Variants in ZNF423 observed in about 807,000 individuals in gnomAD.
ZNF423 encodes the protein Ebf-associated zinc finger protein.
ZNF423 carries 12 observed loss-of-function variants against 95.8 expected under a neutral mutation model. The observed-to-expected ratio is 0.13, with a 90% CI of 0.08 to 0.20. The LOEUF is 0.20. Ranked by LOEUF, ZNF423 falls within the 10% of genes least tolerant of loss-of-function variation. ZNF423 has a pLI of 1.00. For synonymous variants in ZNF423, 749 were observed against 711.9 expected (o/e 1.05, Z -0.83); for missense variants, 1,316 against 1,737.1 (o/e 0.76, Z 4.31).
At chr16:49,530,181 G>A (rs1234113661) in intron 5 of ZNF423, among the ~76,000 whole-genome samples, 1 of 152,150 alleles carries the variant, frequency 6.6e-6, no homozygotes, top group African/African-American at 2.4e-5. Flanking sequence ...CGGGGCTTTT[G>A]TATGGCAGCC....
chr16:49,605,602 A>C (rs1041460239), intron 5 of ZNF423, among the ~76,000 whole-genome samples: 1 of 152,174 alleles, frequency 6.6e-6, no homozygotes, highest in Non-Finnish European at 1.5e-5. Flanking sequence ...GAGCGACAGC[A>C]GACACTCCCT....
intron 1 of ZNF423, among the ~76,000 whole-genome samples, chr16:49,836,207 T>C (rs1288411221): frequency 6.6e-6 from 1 of 152,176 alleles, no homozygotes; most frequent in Non-Finnish European, 1.5e-5. Context: ...CCTTGAACCT[T>C]GCTGGGTGTG....
intron 5 of ZNF423, among the ~76,000 whole-genome samples, chr16:49,530,156 T>C (rs771115456): frequency 1.3e-5 from 2 of 152,128 alleles, no homozygotes; most frequent in African/African-American, 2.4e-5. Context: ...CACTAGAAAA[T>C]AGGCAGAGTC....
Position 49,637,639 on chromosome 16 carries a change from C to G in ZNF423, c.1537G>C (p.Gly513Arg). 1 of 1,613,976 alleles carries G rather than the reference C, an allele frequency of 6.2e-7. No individual in the cohort carries two copies. Among genetic ancestry groups the G allele is most frequent in the Non-Finnish European group, 8.5e-7 (1 of 1,180,034 alleles). ...LQEHIRVSHC[G>R]PNANPSDGNN... ...CCGTCAGAGGGGTTGGCGTTGGGGC[C>G]GCAGTGGGAGACGCGGATGTGCTCC... Residue 513 changes from glycine to arginine, a missense_variant, in exon 4 of 8, where the codon GGC (glycine) becomes CGC (arginine). Gly to Arg is a moderately radical substitution (Grantham distance 125). This residue lies in a region of ZNF423 where 399 missense variants were observed against 478.5 expected (regional missense o/e 0.83). Transcript: ENST00000563137. The surrounding 1 kb of genome is among the most constrained non-coding windows in gnomAD (Gnocchi z 5.6).
At chr16:49,854,672 G>T in intron 1 of ZNF423, 1 of 985,440 alleles carries the variant, frequency 1.0e-6, no homozygotes, top group South Asian at 4.7e-5. Context: ...AAAGCAGCAG[G>T]CAAGGCCTGG....
chr16:49,694,879 G>A (rs1324450804), intron 3 of ZNF423, among the ~76,000 whole-genome samples: 2 of 152,228 alleles, frequency 1.3e-5, no homozygotes, highest in African/African-American at 4.8e-5. Flanking sequence ...TTCATGTGAA[G>A]AAATGTCTCT....
chr16:49,546,507 T>C (rs929350629), intron 5 of ZNF423, among the ~76,000 whole-genome samples: 6 of 152,116 alleles, frequency 3.9e-5, no homozygotes, highest in African/African-American at 1.4e-4. Context: ...CCAGTCCCCA[T>C]CCTAACTGTA....
intron 2 of ZNF423, among the ~76,000 whole-genome samples, chr16:49,767,916 T>C (rs1213883030): frequency 6.6e-6 from 1 of 152,260 alleles, no homozygotes; most frequent in Admixed American, 6.5e-5. Context: ...CTCCCCACTG[T>C]CTGTGAACCA....
intron 2 of ZNF423, among the ~76,000 whole-genome samples, chr16:49,774,633 T>A (rs934856913): frequency 2.0e-5 from 3 of 152,066 alleles, no homozygotes; most frequent in African/African-American, 7.2e-5. Context: ...GATGAGTAAA[T>A]GCAATCATCC....
chr16:49,842,977 C>CA (rs71380379), intron 1 of ZNF423, among the ~76,000 whole-genome samples: 32,342 of 96,778 alleles, frequency 0.33, 4,275 homozygotes, highest in Middle Eastern at 0.42. Flanking sequence ...GACTCCGTCT[C>CA]AAAAAAAAAA....
intron 5 of ZNF423, among the ~76,000 whole-genome samples, chr16:49,551,936 T>C (rs929511550): frequency 6.6e-6 from 1 of 152,244 alleles, no homozygotes; most frequent in African/African-American, 2.4e-5. Flanking sequence ...CTCAAATCTG[T>C]GGTTCTGTTT....
chr16:49,796,626 G>C (rs1274119781), intron 1 of ZNF423, among the ~76,000 whole-genome samples: 2 of 152,230 alleles, frequency 1.3e-5, no homozygotes, highest in African/African-American at 4.8e-5. Flanking sequence ...TTCTGAGGCA[G>C]ACAGTGGCAG....
At chr16:49,844,772 T>C (rs1224925440) in intron 1 of ZNF423, among the ~76,000 whole-genome samples, 2 of 152,166 alleles carry the variant, frequency 1.3e-5, no homozygotes, top group Non-Finnish European at 2.9e-5. Context: ...GCCCTGTGGC[T>C]CACGCCTGTA....
intron 2 of ZNF423, among the ~76,000 whole-genome samples, chr16:49,785,904 G>A (rs1022422942): frequency 2.0e-5 from 3 of 152,218 alleles, no homozygotes; most frequent in Non-Finnish European, 2.9e-5. Flanking sequence ...AATGACCCAC[G>A]AACTCCCCTG....
chr16:49,639,162 TC>T (rs1567525259), intron 3 of ZNF423, among the ~76,000 whole-genome samples: 1 of 152,160 alleles, frequency 6.6e-6, no homozygotes, highest in African/African-American at 2.4e-5. Context: ...GGGGAGGCTC[TC>T]GGCCACTTTC....
chr16:49,687,902 G>C (rs1288621714), intron 3 of ZNF423, among the ~76,000 whole-genome samples: 2 of 152,084 alleles, frequency 1.3e-5, no homozygotes, highest in Non-Finnish European at 2.9e-5. Context: ...AGCTCAGAGG[G>C]GCTCCTTGGA....
chr16:49,494,649 C>G (rs1379976448), intron 7 of ZNF423, among the ~76,000 whole-genome samples: 1 of 152,190 alleles, frequency 6.6e-6, no homozygotes, highest in East Asian at 1.9e-4. Context: ...GGTGCTCAGC[C>G]AAGGAGGGCA....
intron 5 of ZNF423, among the ~76,000 whole-genome samples, chr16:49,562,314 G>A (rs1360435207): frequency 6.6e-6 from 1 of 152,224 alleles, no homozygotes; most frequent in African/African-American, 2.4e-5. Context: ...ATCCGTGTGA[G>A]TCTTAAACAA....
intron 5 of ZNF423, among the ~76,000 whole-genome samples, chr16:49,624,929 A>G (rs2151863077): frequency 6.6e-6 from 1 of 152,342 alleles, no homozygotes; most frequent in East Asian, 1.9e-4. Context: ...GGGTTACACA[A>G]GTGTGTTTAG....
Sources: allele counts gnomAD v4.1 joint callset (sites outside exome capture counted in the v4.1 genomes callset), GRCh38; gene constraint gnomAD v4.1.1; regional missense constraint gnomAD v4.1.1; non-coding constraint Gnocchi (gnomAD v3.1); transcripts MANE v1.5; gene names NCBI Gene and HGNC (gene_info 2026-07-23, HGNC 2026-07-21).